Variants in CAGE1 observed in about 807,000 individuals in gnomAD.
The protein encoded by CAGE1 is cancer antigen 1.
A neutral mutation model predicts 94.9 loss-of-function variants in CAGE1; 66 were observed. That is an observed-to-expected ratio of 0.70 (90% confidence interval 0.57 to 0.85). The LOEUF (loss-of-function observed/expected upper bound fraction) is 0.85, where lower values mean the gene tolerates loss of function less well. Ranked by LOEUF, CAGE1 falls within the 40% of genes least tolerant of loss-of-function variation. The pLI is 0.00. For synonymous variants in CAGE1, 319 were observed against 321.0 expected (o/e 0.99, Z 0.07); for missense variants, 865 against 950.4 (o/e 0.91, Z 1.18).
At position 7,339,602 on chromosome 6, in the gene CAGE1, T is replaced by C; in HGVS notation, c.2370-5512A>G. The C allele has an allele frequency of 1.4e-6, 1 of 706,276 alleles. No individual in the cohort carries two copies. Among genetic ancestry groups the C allele is most frequent in the Non-Finnish European group, 2.6e-6 (1 of 385,704 alleles). The allele number at this position is 706,276 out of a possible 1,614,324, so 43.8% of individuals were successfully genotyped here. A position where few individuals can be genotyped will look rare whatever the true frequency, so the allele number is the denominator to read the frequency against. ...CATGCTCCGCTGAAAGGAAAGGCACTGTATCATTCTTATGCCTTTGTGTCC... is the reference window on the plus strand; with the variant it reads ...CATGCTCCGCTGAAAGGAAAGGCACCGTATCATTCTTATGCCTTTGTGTCC... On this transcript the variant is annotated intron_variant, in intron 11 of 13. Transcript: ENST00000502583. The surrounding 1 kb of genome is among the most constrained non-coding windows in gnomAD (Gnocchi z 4.7).
intron 12 of CAGE1, 109 bp downstream of exon 12, chr6:7,333,913 C>A: frequency 1.6e-6 from 1 of 625,730 alleles, no homozygotes; most frequent in Non-Finnish European, 2.7e-6. Flanking sequence ...GGTGATCCAC[C>A]CACCTTGGCC....
Position 7,368,815 on chromosome 6 carries a change from C to G in CAGE1, c.1894-17G>C, listed in dbSNP as rs773684679. The G allele has an allele frequency of 3.3e-5, 49 of 1,463,778 alleles. No individual in the cohort carries two copies. In the Admixed American group the frequency reaches 1.2e-3, roughly 37 times the overall value. The allele number at this position is 1,463,778 out of a possible 1,614,324, so 90.7% of individuals were successfully genotyped here. A position where few individuals can be genotyped will look rare whatever the true frequency, so the allele number is the denominator to read the frequency against. ...GATGATGTCCTAAGGGTAAGAGTTT[C>G]AGAAGCTAGATGAAAAAGTTTTTAC... On this transcript the variant is annotated splice_polypyrimidine_tract_variant and intron_variant, in intron 6 of 13. Transcript: ENST00000502583.
In CAGE1 at chr6:7,328,912, GTGTGTGTATATA is replaced by G. The variant is rs1406254686; in HGVS notation, c.2478+925_2478+936del. ...TGTGTGTGTGTGTGTGTGTGTGTGT[GTGTGTGTATATA>G]TATATATATATTTTTTTTTTTTTTT... On this transcript the variant is annotated intron_variant, in intron 13 of 13. Coordinates refer to ENST00000502583, the MANE Select transcript of CAGE1 (RefSeq NM_001170692.2). 6.2e-5 allele frequency among the ~76,000 whole-genome samples: 4 copies of G among 64,856 alleles called. No individual in the cohort carries two copies. The South Asian group carries it at 1.5e-3, about 24-fold the overall frequency. 42.5% of individuals were successfully genotyped at this position (64,856 alleles called of 152,430 possible).
intron 5 of CAGE1, 102 bp from the exon 6 acceptor site, chr6:7,370,167 G>A (rs926212007): frequency 1.0e-4 from 78 of 753,610 alleles, no homozygotes; most frequent in Admixed American, 7.8e-4. Flanking sequence ...AACCTTGGGC[G>A]ACAGTTCTCA....
At chr6:7,388,480 G>C (rs1306661754) in intron 1 of CAGE1, among the ~76,000 whole-genome samples, 1 of 152,134 alleles carries the variant, frequency 6.6e-6, no homozygotes, top group Non-Finnish European at 1.5e-5. Flanking sequence ...GGGTGTTAGT[G>C]TTTGTGTTTA....
chr6:7,352,227 T>C (rs1173680345), intron 11 of CAGE1, among the ~76,000 whole-genome samples: 5 of 145,824 alleles, frequency 3.4e-5, no homozygotes, highest in African/African-American at 1.3e-4. Flanking sequence ...GTAGCTCTTC[T>C]ATATACCAAC....
At chr6:7,367,900 C>T (rs370276333) in intron 7 of CAGE1, among the ~76,000 whole-genome samples, 1 of 152,094 alleles carries the variant, frequency 6.6e-6, no homozygotes, top group Non-Finnish European at 1.5e-5. Flanking sequence ...ATTTAATTCT[C>T]TTCATTTTAT....
At chr6:7,328,525 A>G (rs2113332035) in intron 13 of CAGE1, among the ~76,000 whole-genome samples, 1 of 152,276 alleles carries the variant, frequency 6.6e-6, no homozygotes, top group Non-Finnish European at 1.5e-5. Context: ...AAGCTGCATG[A>G]GCAATAACAG....
At chr6:7,352,305 AC>A (rs1208943872) in intron 11 of CAGE1, among the ~76,000 whole-genome samples, 4,136 of 112,716 alleles carry the variant, frequency 0.037, 97 homozygotes, top group African/African-American at 0.083. Context: ...AAAAAAAAAA[AC>A]AAAAAAAAAC....
intron 9 of CAGE1, among the ~76,000 whole-genome samples, chr6:7,359,292 C>A (rs1192815017): frequency 6.6e-6 from 1 of 152,212 alleles, no homozygotes; most frequent in African/African-American, 2.4e-5. Context: ...GGTGATCCAC[C>A]CACCTCGGCC....
intron 11 of CAGE1, among the ~76,000 whole-genome samples, chr6:7,345,594 C>T (rs936301284): frequency 2.0e-5 from 3 of 152,190 alleles, no homozygotes; most frequent in African/African-American, 7.2e-5. Context: ...TAATAGCTTT[C>T]ATAGTAAACA....
chr6:7,360,619 A>G (rs1462060261), intron 9 of CAGE1, among the ~76,000 whole-genome samples: 1 of 152,128 alleles, frequency 6.6e-6, no homozygotes, highest in East Asian at 1.9e-4. Flanking sequence ...AATTCTCTAC[A>G]CAAAGGTTTT....
At chr6:7,363,547 A>C (rs368933105) in intron 9 of CAGE1, among the ~76,000 whole-genome samples, 436 of 152,258 alleles carry the variant, frequency 2.9e-3, no homozygotes, top group Non-Finnish European at 4.3e-3. Flanking sequence ...TATTTATTAG[A>C]GTTCTCCACA....
chr6:7,360,529 G>A (rs1760131161), intron 9 of CAGE1, among the ~76,000 whole-genome samples: 1 of 152,184 alleles, frequency 6.6e-6, no homozygotes, highest in Non-Finnish European at 1.5e-5. Flanking sequence ...CATTCACCAT[G>A]AACAGTGGAT....
chr6:7,344,509 T>A (rs1452719821), intron 11 of CAGE1, among the ~76,000 whole-genome samples: 1 of 152,240 alleles, frequency 6.6e-6, no homozygotes, highest in East Asian at 1.9e-4. Context: ...AACCCCTCCA[T>A]GAGCTCCTGT....
chr6:7,351,319 C>CA (rs1336588146), intron 11 of CAGE1, among the ~76,000 whole-genome samples: 1 of 151,624 alleles, frequency 6.6e-6, no homozygotes, highest in Non-Finnish European at 1.5e-5. Flanking sequence ...CAATTACCAA[C>CA]AAAAAAAGTC....
chr6:7,387,759 C>T (rs888768437), intron 1 of CAGE1, among the ~76,000 whole-genome samples: 6 of 151,790 alleles, frequency 4.0e-5, no homozygotes, highest in African/African-American at 1.5e-4. Flanking sequence ...GTGGCTCACG[C>T]CTGTAATCCC....
chr6:7,342,415 C>T (rs1759216914), intron 11 of CAGE1, among the ~76,000 whole-genome samples: 1 of 152,204 alleles, frequency 6.6e-6, no homozygotes, highest in Non-Finnish European at 1.5e-5. Context: ...AGTGCAGCAT[C>T]ATCTCAACAG....
chr6:7,363,003 C>T (rs1320811139), intron 9 of CAGE1, among the ~76,000 whole-genome samples: 1 of 152,166 alleles, frequency 6.6e-6, no homozygotes, highest in Non-Finnish European at 1.5e-5. Flanking sequence ...GTGGCTCACA[C>T]CTGTAATCCC....
Sources: allele counts gnomAD v4.1 joint callset (sites outside exome capture counted in the v4.1 genomes callset), GRCh38; gene constraint gnomAD v4.1.1; non-coding constraint Gnocchi (gnomAD v3.1); transcripts MANE v1.5; gene names NCBI Gene and HGNC (gene_info 2026-07-23, HGNC 2026-07-21).